KCNMB2: variants seen among roughly 807,000 people sequenced by gnomAD.
KCNMB2 encodes the protein potassium calcium-activated channel subfamily M regulatory beta subunit 2, also known as calcium-activated potassium channel subunit beta-2.
In KCNMB2, 9 loss-of-function variants were observed where a neutral mutation model predicts 24.5. The ratio of observed to expected loss-of-function variants is 0.37; its 90% CI spans 0.22 to 0.64. KCNMB2 has a LOEUF of 0.64. Among genes scored for constraint, KCNMB2 ranks in the 30% least tolerant of loss-of-function variants. The probability of loss-of-function intolerance (pLI) is 0.63; values close to 1 mark genes in which losing one functional copy is unlikely to be tolerated. For missense variants in KCNMB2, 226 were observed against 284.3 expected (o/e 0.79, Z 1.47); for synonymous variants, 109 against 104.4 (o/e 1.04, Z -0.27).
At chr3:178,665,240 A>G (rs1027059284) in intron 1 of KCNMB2, among the ~76,000 whole-genome samples, 1 of 152,176 alleles carries the variant, frequency 6.6e-6, no homozygotes, top group Non-Finnish European at 1.5e-5. Context: ...TTGAGAGAGA[A>G]GTCACACTTT....
intron 1 of KCNMB2, among the ~76,000 whole-genome samples, chr3:178,660,964 GT>G (rs1212810634): frequency 6.7e-6 from 1 of 149,098 alleles, no homozygotes; most frequent in Non-Finnish European, 1.5e-5. Context: ...AACCTTCAGT[GT>G]TTTTTATATA....
intron 1 of KCNMB2, among the ~76,000 whole-genome samples, chr3:178,734,518 G>GA (rs1723254671): frequency 6.6e-6 from 1 of 152,182 alleles, no homozygotes; most frequent in Admixed American, 6.6e-5. Context: ...GATACTTGTA[G>GA]AAAAAATTAG....
intron 1 of KCNMB2, among the ~76,000 whole-genome samples, chr3:178,717,585 C>A (rs1343751359): frequency 6.6e-6 from 1 of 152,172 alleles, no homozygotes; most frequent in Non-Finnish European, 1.5e-5. Flanking sequence ...TTTCTGTTCA[C>A]ATTAAGTGTG....
chr3:178,726,287 C>A (rs751672730), intron 1 of KCNMB2, among the ~76,000 whole-genome samples: 18 of 151,864 alleles, frequency 1.2e-4, no homozygotes, highest in Non-Finnish European at 2.5e-4. Flanking sequence ...TATGACAATG[C>A]CCTAACTTCT....
chr3:178,543,783 G>A (rs1015210030), intron 1 of KCNMB2, among the ~76,000 whole-genome samples: 4 of 152,098 alleles, frequency 2.6e-5, no homozygotes, highest in East Asian at 3.8e-4. Flanking sequence ...AACTGGTCCC[G>A]ACACTAGTAT....
intron 1 of KCNMB2, among the ~76,000 whole-genome samples, chr3:178,670,986 A>G (rs921872780): frequency 6.6e-6 from 1 of 152,162 alleles, no homozygotes; most frequent in African/African-American, 2.4e-5. Flanking sequence ...GGAGCAAGTA[A>G]CAGGTGACAA....
In KCNMB2 at chr3:178,756,119, A is replaced by G. The variant is rs554059708; in HGVS notation, c.-67-51224A>G. Among the ~76,000 whole-genome samples, 3 of 152,328 alleles carry G rather than the reference A, an allele frequency of 2.0e-5. No individual in the cohort carries two copies. In the South Asian group the frequency reaches 6.2e-4, roughly 32 times the overall value. On this transcript the variant is annotated intron_variant, in intron 1 of 4. Coordinates refer to ENST00000452583, the MANE Select transcript of KCNMB2 (RefSeq NM_181361.3). ...AAGATGATCATAATGAAATGTTAAAATAGAAAAAAAGCAAATTATAAAATT... is the reference window on the plus strand; with the variant it reads ...AAGATGATCATAATGAAATGTTAAAGTAGAAAAAAAGCAAATTATAAAATT...
chr3:178,758,401 T>TCTCCAAGAGGGG (rs1724299461), intron 1 of KCNMB2, among the ~76,000 whole-genome samples: 1 of 47,234 alleles, frequency 2.1e-5, no homozygotes, highest in Non-Finnish European at 3.6e-5. Flanking sequence ...TATATATATA[T>TCTCCAAGAGGGG]ATATATATAT....
chr3:178,624,718 C>T (rs970992545), intron 1 of KCNMB2, among the ~76,000 whole-genome samples: 1 of 150,596 alleles, frequency 6.6e-6, no homozygotes, highest in African/African-American at 2.4e-5. Context: ...TGTGCAAACT[C>T]ACTTGGGGGC....
At chr3:178,744,324 A>C (rs541245618) in intron 1 of KCNMB2, among the ~76,000 whole-genome samples, 1 of 152,342 alleles carries the variant, frequency 6.6e-6, no homozygotes, top group East Asian at 1.9e-4. Context: ...ACTATTGTAC[A>C]ATTCCTTCTG....
chr3:178,711,321 T>C (rs1414644710), intron 1 of KCNMB2, among the ~76,000 whole-genome samples: 2 of 152,208 alleles, frequency 1.3e-5, no homozygotes, highest in Non-Finnish European at 2.9e-5. Flanking sequence ...CTCTTAATAT[T>C]GTGCCTGGCA....
chr3:178,749,775 G>A (rs1377933985), intron 1 of KCNMB2, among the ~76,000 whole-genome samples: 6 of 152,234 alleles, frequency 3.9e-5, no homozygotes, highest in Non-Finnish European at 8.8e-5. Flanking sequence ...GTGTTAGCAA[G>A]GGGTAAATGG....
chr3:178,652,572 A>C (rs1720165061), intron 1 of KCNMB2, among the ~76,000 whole-genome samples: 1 of 151,900 alleles, frequency 6.6e-6, no homozygotes, highest in Admixed American at 6.6e-5. Context: ...TAATTTAATA[A>C]TGTTACGTAT....
chr3:178,790,700 G>T (rs996187426), intron 1 of KCNMB2, among the ~76,000 whole-genome samples: 5 of 152,218 alleles, frequency 3.3e-5, no homozygotes, highest in Non-Finnish European at 7.3e-5. Context: ...AGTCCCAGTG[G>T]TGGTGGCCAC....
At chr3:178,664,764 CG>C (rs1720658611) in intron 1 of KCNMB2, among the ~76,000 whole-genome samples, 1 of 151,730 alleles carries the variant, frequency 6.6e-6, no homozygotes, top group South Asian at 2.1e-4. Context: ...TTCATTTTCA[CG>C]TAAATAATGG....
At chr3:178,751,047 T>C (rs1318525206) in intron 1 of KCNMB2, among the ~76,000 whole-genome samples, 1 of 152,120 alleles carries the variant, frequency 6.6e-6, no homozygotes, top group African/African-American at 2.4e-5. Flanking sequence ...ACGACTAATA[T>C]AGACAACTCA....
intron 1 of KCNMB2, among the ~76,000 whole-genome samples, chr3:178,782,623 C>T (rs1175527844): frequency 1.9e-4 from 28 of 146,828 alleles, no homozygotes; most frequent in African/African-American, 5.2e-4. Context: ...CCTTTGCCCA[C>T]TTTTTGATGG....
At chr3:178,759,663 G>GATATATATATATATATCTCCAAGAGGGAT (rs1711629428) in intron 1 of KCNMB2, among the ~76,000 whole-genome samples, 1 of 70,386 alleles carries the variant, frequency 1.4e-5, no homozygotes, top group Non-Finnish European at 2.9e-5. Flanking sequence ...CTCCAAGAGG[G>GATATATATATATATATCTCCAAGAGGGAT]ATATATATAT....
chr3:178,563,782 A>G (rs937133882), intron 1 of KCNMB2, among the ~76,000 whole-genome samples: 1 of 152,212 alleles, frequency 6.6e-6, no homozygotes, highest in Non-Finnish European at 1.5e-5. Context: ...AGCAGAGAGC[A>G]TAGGCGTAGT....
Sources: gnomAD v4.1 joint callset for allele counts (sites outside exome capture counted in the v4.1 genomes callset) on GRCh38, gnomAD v4.1.1 for gene constraint, MANE v1.5 for transcripts, NCBI Gene and HGNC (gene_info 2026-07-23, HGNC 2026-07-21) for gene names.